RNF182: variants seen among roughly 807,000 people sequenced by gnomAD.
RNF182 encodes ring finger protein 182, also known as E3 ubiquitin-protein ligase RNF182.
A neutral mutation model predicts 14.4 loss-of-function variants in RNF182; 15 were observed. The observed-to-expected ratio is 1.04, with a 90% CI of 0.70 to 1.60. RNF182 has a LOEUF of 1.60. RNF182 is among the 40% of genes most tolerant of loss of function. The pLI, the probability that RNF182 is intolerant of heterozygous loss-of-function variation, is 0.00. For synonymous variants in RNF182, 128 were observed against 122.9 expected (o/e 1.04, Z -0.27); for missense variants, 268 against 294.8 (o/e 0.91, Z 0.67).
chr6:13,949,373 T>G (rs1050267440), intron 1 of RNF182: 10 of 759,134 alleles, frequency 1.3e-5, no homozygotes, highest in African/African-American at 8.6e-5. Context: ...GCCAGTCAGA[T>G]CTCTAACATT....
chr6:13,959,105 C>T (rs1759800786), intron 1 of RNF182, among the ~76,000 whole-genome samples: 1 of 152,204 alleles, frequency 6.6e-6, no homozygotes, highest in Non-Finnish European at 1.5e-5. Flanking sequence ...ACTTGCCAGC[C>T]AGCCAGAATT....
At chr6:13,949,399 A>G (rs1759525739) in intron 1 of RNF182, 9 of 747,330 alleles carry the variant, frequency 1.2e-5, no homozygotes, top group Non-Finnish European at 2.2e-5. Flanking sequence ...GTACACAAAA[A>G]GGCAAGAGAA....
chr6:13,932,582 A>G (rs1433413257), intron 1 of RNF182, among the ~76,000 whole-genome samples: 2 of 152,184 alleles, frequency 1.3e-5, no homozygotes, highest in Non-Finnish European at 2.9e-5. Context: ...AACCTTACCA[A>G]ATACTTAGGT....
intron 1 of RNF182, among the ~76,000 whole-genome samples, chr6:13,926,358 C>A (rs1758825475): frequency 6.6e-6 from 1 of 152,134 alleles, no homozygotes; most frequent in Non-Finnish European, 1.5e-5. Flanking sequence ...ATTTAATATT[C>A]CTCTTCCCTC....
In RNF182 at chr6:13,980,201, T is replaced by TTTTA. The variant is rs1554128239; in HGVS notation, c.*2341_*2342insATTT. ...ACACTTTTAAAAGGCCTTCATAGTT[T>TTTTA]TTTTATTTTATTTTATTTTATTTTA... On this transcript the variant is annotated 3_prime_UTR_variant, in exon 3 of 3. Coordinates refer to ENST00000488300, the MANE Select transcript of RNF182 (RefSeq NM_152737.4). 6 of 142,220 alleles carry TTTTA rather than the reference T, an allele frequency of 4.2e-5. No homozygotes were observed. The highest frequency in any genetic ancestry group is 7.6e-5 in the African/African-American group (3 of 39,494). 8.8% of individuals were successfully genotyped at this position (142,220 alleles called of 1,614,324 possible). A position where few individuals can be genotyped will look rare whatever the true frequency, so the allele number is the denominator to read the frequency against.
Position 13,979,681 on chromosome 6 carries a change from A to G in RNF182, c.*1818A>G, listed in dbSNP as rs1404982012. The G allele has an allele frequency of 2.4e-5, 4 of 166,712 alleles. No individual in the cohort carries two copies. The highest frequency in any genetic ancestry group is 5.9e-5 in the Non-Finnish European group (4 of 68,094). The allele number at this position is 166,712 out of a possible 1,614,324, so 10.3% of individuals were successfully genotyped here. A position where few individuals can be genotyped will look rare whatever the true frequency, so the allele number is the denominator to read the frequency against. ...AAGATGTTTTGTGGTTTGGATTTAT[A>G]TATTTGTAAGGTTTTTTTAAAAAAA... On this transcript the variant is annotated 3_prime_UTR_variant, in exon 3 of 3. Transcript: ENST00000488300.
At chr6:13,956,077 A>G (rs280173) in intron 1 of RNF182, among the ~76,000 whole-genome samples, 119,291 of 152,092 alleles carry the variant, frequency 0.78, 48,385 homozygotes, top group Middle Eastern at 0.91. Context: ...TTCACTTCAC[A>G]TAATGTCGTT....
At chr6:13,930,761 G>C (rs765196821) in intron 1 of RNF182, among the ~76,000 whole-genome samples, 3 of 152,126 alleles carry the variant, frequency 2.0e-5, no homozygotes, top group Non-Finnish European at 4.4e-5. Flanking sequence ...TTGGTGCCAG[G>C]TACGCTATTA....
At position 13,941,967 on chromosome 6, in the gene RNF182, G is replaced by T. The variant is rs117660609; in HGVS notation, c.-367+16944G>T. 1.7e-3 allele frequency among the ~76,000 whole-genome samples: 253 copies of T among 151,790 alleles called. 4 individuals are homozygous for T. The East Asian group carries it at 0.038, about 23-fold the overall frequency. Reference sequence around the variant, plus strand: ...TTCATGTAAGTCTGTGTTTCCCTTTGGGATTATTTTCTTTCTGCTGGAAGA... The same window carrying T: ...TTCATGTAAGTCTGTGTTTCCCTTTTGGATTATTTTCTTTCTGCTGGAAGA... On this transcript the variant is annotated intron_variant, in intron 1 of 2. Coordinates refer to ENST00000488300, the MANE Select transcript of RNF182 (RefSeq NM_152737.4).
intron 1 of RNF182, among the ~76,000 whole-genome samples, chr6:13,927,628 A>G (rs895369919): frequency 3.3e-5 from 5 of 152,244 alleles, no homozygotes; most frequent in Non-Finnish European, 7.3e-5. Context: ...TAGGATTAAC[A>G]TTATGTTTGT....
chr6:13,936,679 G>A (rs1759119250), intron 1 of RNF182, among the ~76,000 whole-genome samples: 3 of 152,216 alleles, frequency 2.0e-5, no homozygotes. Context: ...TTACACAAGT[G>A]TGTGCCATGA....
rs144480237 is a variant in RNF182 at position 13,948,972 on chromosome 6, A to T, written c.-367+23949A>T. On this transcript the variant is annotated intron_variant, in intron 1 of 2. Transcript: ENST00000488300. ...TCACTTTTGCATTAATGTACTATTA[A>T]TGTCAAATCCAATTTTTAATAAAAT... The T allele has an allele frequency of 8.0e-4, 293 of 364,770 alleles. 1 individual carries two copies. The highest frequency in any genetic ancestry group is 5.3e-3 in the African/African-American group (257 of 48,632). 22.6% of individuals were successfully genotyped at this position (364,770 alleles called of 1,614,324 possible).
Position 13,977,308 on chromosome 6 carries a change from C to T in RNF182, c.189C>T (p.Val63=), listed in dbSNP as rs753453135. The stretch of plus-strand genomic sequence containing the variant: ...GGGACTCCCCACAAGGTGTCATTGT[C>T]TGTCCTTTCTGCAGGTTTGAGACGT... ...DFGDSPQGVI[V]CPFCRFETCL... The change falls in exon 3 of 3, where the codon GTC becomes GTT. Residue 63 remains valine (V), a synonymous_variant. Transcript: ENST00000488300. The T allele has an allele frequency of 2.3e-5, 37 of 1,614,076 alleles. No homozygotes were observed. The highest frequency in any genetic ancestry group is 2.9e-5 in the Non-Finnish European group (34 of 1,180,026).
At chr6:13,954,729 A>T (rs2113619782) in intron 1 of RNF182, among the ~76,000 whole-genome samples, 1 of 152,244 alleles carries the variant, frequency 6.6e-6, no homozygotes, top group Non-Finnish European at 1.5e-5. Flanking sequence ...TATTGAAGAA[A>T]CTGGATCCTT....
chr6:13,971,080 T>G (rs555618889), intron 1 of RNF182, among the ~76,000 whole-genome samples: 21 of 152,224 alleles, frequency 1.4e-4, no homozygotes, highest in Non-Finnish European at 1.3e-4. Flanking sequence ...CTAAGTCTGC[T>G]TGGACACTGT....
At chr6:13,969,070 ACT>A (rs1374622247) in intron 1 of RNF182, among the ~76,000 whole-genome samples, 1 of 151,540 alleles carries the variant, frequency 6.6e-6, no homozygotes, top group Non-Finnish European at 1.5e-5. Context: ...GACTTCAGAA[ACT>A]CAGTTCAGGT....
intron 1 of RNF182, among the ~76,000 whole-genome samples, chr6:13,942,299 G>A (rs995771716): frequency 6.6e-6 from 1 of 151,952 alleles, no homozygotes; most frequent in Non-Finnish European, 1.5e-5. Context: ...ATCTTGCTTG[G>A]GGATCATAGA....
intron 1 of RNF182, among the ~76,000 whole-genome samples, chr6:13,968,845 A>G (rs1006113097): frequency 6.6e-6 from 1 of 152,178 alleles, no homozygotes; most frequent in East Asian, 1.9e-4. Flanking sequence ...GAGAATGCCT[A>G]TTGCCTGTGA....
chr6:13,939,716 T>C (rs1214332539), intron 1 of RNF182, among the ~76,000 whole-genome samples: 1 of 152,028 alleles, frequency 6.6e-6, no homozygotes, highest in African/African-American at 2.4e-5. Flanking sequence ...GCTAATTTTT[T>C]GTATTTTTAG....
Sources: allele counts gnomAD v4.1 joint callset (sites outside exome capture counted in the v4.1 genomes callset), GRCh38; gene constraint gnomAD v4.1.1; transcripts MANE v1.5; gene names NCBI Gene and HGNC (gene_info 2026-07-23, HGNC 2026-07-21).